Variants in GABRB2 observed in about 807,000 individuals in gnomAD.
The protein encoded by GABRB2 is gamma-aminobutyric acid type A receptor subunit beta2, also known as gamma-aminobutyric acid receptor subunit beta-2.
In GABRB2, 16 loss-of-function variants were observed where a neutral mutation model predicts 54.7. That is an observed-to-expected ratio of 0.29 (90% confidence interval 0.20 to 0.44). GABRB2 has a LOEUF of 0.44. Among genes scored for constraint, GABRB2 ranks in the 20% least tolerant of loss-of-function variants. The probability of loss-of-function intolerance (pLI) is 1.00; values close to 1 mark genes in which losing one functional copy is unlikely to be tolerated. For missense variants in GABRB2, 355 were observed against 644.0 expected (o/e 0.55, Z 4.86); for synonymous variants, 244 against 233.8 (o/e 1.04, Z -0.40).
At chr5:161,481,015 A>T (rs988598534) in intron 3 of GABRB2, among the ~76,000 whole-genome samples, 1 of 152,102 alleles carries the variant, frequency 6.6e-6, no homozygotes, top group African/African-American at 2.4e-5. Flanking sequence ...CGAAAAACTC[A>T]TATGAACACT....
intron 9 of GABRB2, among the ~76,000 whole-genome samples, chr5:161,297,517 G>A (rs889089089): frequency 3.9e-5 from 6 of 152,066 alleles, no homozygotes; most frequent in Non-Finnish European, 7.4e-5. Context: ...CCACTTATGA[G>A]TGAGAACATG....
chr5:161,453,856 T>C (rs766973377), intron 4 of GABRB2, among the ~76,000 whole-genome samples: 31 of 151,886 alleles, frequency 2.0e-4, no homozygotes, highest in Non-Finnish European at 3.4e-4. Flanking sequence ...GGCCAACATG[T>C]TGAAACCCTG....
chr5:161,371,867 G>A (rs1469286476), intron 5 of GABRB2, among the ~76,000 whole-genome samples: 2 of 151,754 alleles, frequency 1.3e-5, no homozygotes, highest in African/African-American at 4.8e-5. Context: ...AATCACAGGT[G>A]TGCACCACTA....
At chr5:161,385,961 T>G (rs1017364449) in intron 5 of GABRB2, among the ~76,000 whole-genome samples, 4 of 135,916 alleles carry the variant, frequency 2.9e-5, no homozygotes, top group African/African-American at 9.1e-5. Flanking sequence ...TGTGTGTGTG[T>G]GTGTGTGTGT....
chr5:161,410,388 TCTCACACACACACA>T (rs1256552458), intron 5 of GABRB2, among the ~76,000 whole-genome samples: 15 of 149,730 alleles, frequency 1.0e-4, no homozygotes, highest in South Asian at 6.3e-4. Flanking sequence ...TAAACAGAAT[TCTCACACACACACA>T]CACACACACA....
At chr5:161,441,465 T>C (rs1025486435) in intron 4 of GABRB2, among the ~76,000 whole-genome samples, 10 of 152,172 alleles carry the variant, frequency 6.6e-5, no homozygotes, top group Non-Finnish European at 1.3e-4. Context: ...CAAATGGTGA[T>C]GACGATGTGA....
chr5:161,441,649 CT>C (rs1422600860), intron 4 of GABRB2, among the ~76,000 whole-genome samples: 1 of 152,134 alleles, frequency 6.6e-6, no homozygotes, highest in Non-Finnish European at 1.5e-5. Flanking sequence ...GATTTCTGTA[CT>C]CCTATGTTTG....
At chr5:161,494,980 C>A (rs757495778) in intron 3 of GABRB2, among the ~76,000 whole-genome samples, 10 of 151,806 alleles carry the variant, frequency 6.6e-5, no homozygotes, top group Non-Finnish European at 1.0e-4. Flanking sequence ...CTCATCTTTC[C>A]TAGTACTTTG....
At chr5:161,433,704 T>TA (rs1269865765) in intron 4 of GABRB2, among the ~76,000 whole-genome samples, 2 of 152,194 alleles carry the variant, frequency 1.3e-5, no homozygotes, top group Non-Finnish European at 2.9e-5. Context: ...AATTCTTGAT[T>TA]ACTTACCAAA....
intron 3 of GABRB2, among the ~76,000 whole-genome samples, chr5:161,539,191 C>T (rs967173911): frequency 1.3e-5 from 2 of 152,150 alleles, no homozygotes; most frequent in African/African-American, 4.8e-5. Flanking sequence ...ATCCTCAGAG[C>T]CAAAATTTGA....
chr5:161,358,003 T>C (rs147491792), intron 5 of GABRB2, among the ~76,000 whole-genome samples: 2 of 152,294 alleles, frequency 1.3e-5, no homozygotes, highest in East Asian at 1.9e-4. Flanking sequence ...ATACTGATGA[T>C]ATTTAAAGCC....
chr5:161,323,048 G>A (rs537203509), intron 9 of GABRB2, among the ~76,000 whole-genome samples: 2 of 143,080 alleles, frequency 1.4e-5, no homozygotes, highest in Admixed American at 1.4e-4. Flanking sequence ...TTTTTGAGAC[G>A]GAGTCTTACT....
rs190970222 is a variant in GABRB2 at position 161,523,954 on chromosome 5, A to G, written c.237+21273T>C. 2.6e-5 allele frequency among the ~76,000 whole-genome samples: 4 copies of G among 151,548 alleles called. No homozygotes were observed. In the East Asian group the frequency reaches 7.7e-4, roughly 29 times the overall value. ...TGTTGTTCTATAACTTCTTAGTAGC[A>G]AGAAAAACTAATAAAAGGGATTGGA... On this transcript the variant is annotated intron_variant, in intron 3 of 9. Coordinates refer to ENST00000393959, the MANE Select transcript of GABRB2 (RefSeq NM_001371727.1).
intron 5 of GABRB2, among the ~76,000 whole-genome samples, chr5:161,358,392 A>G (rs1050503021): frequency 1.3e-5 from 2 of 152,124 alleles, no homozygotes; most frequent in African/African-American, 4.8e-5. Flanking sequence ...TAAAATAGAG[A>G]CTAGGTGACT....
intron 5 of GABRB2, among the ~76,000 whole-genome samples, chr5:161,409,450 T>C (rs1352416593): frequency 6.6e-6 from 1 of 152,132 alleles, no homozygotes; most frequent in Admixed American, 6.6e-5. Context: ...AGGCATCCAT[T>C]CTTTAAAATA....
In GABRB2 at chr5:161,392,599, A is replaced by C. The variant is rs181016704; in HGVS notation, c.541+18376T>G. 1.7e-3 allele frequency among the ~76,000 whole-genome samples: 253 copies of C among 152,318 alleles called. 1 individual carries two copies. The highest frequency in any genetic ancestry group is 5.8e-3 in the African/African-American group (242 of 41,570). Reference sequence around the variant, plus strand: ...CTGTGTAACCTTGGGCATGTTGTTTAACTTCTCTGTGTTTCACTTTCCAAA... The same window carrying C: ...CTGTGTAACCTTGGGCATGTTGTTTCACTTCTCTGTGTTTCACTTTCCAAA... On this transcript the variant is annotated intron_variant, in intron 5 of 9. Coordinates refer to ENST00000393959, the MANE Select transcript of GABRB2 (RefSeq NM_001371727.1).
intron 4 of GABRB2, among the ~76,000 whole-genome samples, chr5:161,452,681 C>T (rs1229128889): frequency 2.0e-5 from 3 of 152,106 alleles, no homozygotes; most frequent in African/African-American, 7.2e-5. Context: ...CTTATACCTC[C>T]TGAACCTAAA....
intron 3 of GABRB2, among the ~76,000 whole-genome samples, chr5:161,531,675 G>A (rs1760467245): frequency 6.6e-6 from 1 of 151,214 alleles, no homozygotes; most frequent in Non-Finnish European, 1.5e-5. Flanking sequence ...CTAATATGCA[G>A]AACAAAACCA....
intron 5 of GABRB2, among the ~76,000 whole-genome samples, chr5:161,370,432 C>A (rs1580925092): frequency 6.6e-6 from 1 of 152,062 alleles, no homozygotes; most frequent in East Asian, 1.9e-4. Flanking sequence ...TTGGGATGGC[C>A]TATGTGGGAA....
Sources: allele counts gnomAD v4.1 joint callset (sites outside exome capture counted in the v4.1 genomes callset), GRCh38; gene constraint gnomAD v4.1.1; transcripts MANE v1.5; gene names NCBI Gene and HGNC (gene_info 2026-07-23, HGNC 2026-07-21).